The following PBX4 variants were observed in gnomAD, a reference collection of about 807,000 sequenced individuals.
The protein encoded by PBX4 is pre-B-cell leukemia transcription factor 4.
PBX4 carries 26 observed loss-of-function variants against 35.1 expected under a neutral mutation model. That is an observed-to-expected ratio of 0.74 (90% CI 0.54 to 1.03). The LOEUF (loss-of-function observed/expected upper bound fraction) is 1.03, where lower values mean the gene tolerates loss of function less well. PBX4 is among the 50% of genes least tolerant of loss of function. The pLI, the probability that PBX4 is intolerant of heterozygous loss-of-function variation, is 0.00. For missense variants in PBX4, 448 were observed against 504.3 expected (o/e 0.89, Z 1.07); for synonymous variants, 199 against 204.2 (o/e 0.97, Z 0.22).
intron 1 of PBX4, among the ~76,000 whole-genome samples, chr19:19,604,304 C>G (rs1054587465): frequency 1.3e-5 from 2 of 151,784 alleles, no homozygotes; most frequent in East Asian, 2.0e-4. Flanking sequence ...AATCCTGTCT[C>G]TCCTAAAAAT....
chr19:19,602,337 A>G (rs946010442), intron 1 of PBX4, among the ~76,000 whole-genome samples: 2 of 152,188 alleles, frequency 1.3e-5, no homozygotes, highest in Non-Finnish European at 2.9e-5. Flanking sequence ...GTTGGGAGAG[A>G]ATGTGGAGGT....
In PBX4 at chr19:19,599,992, AT is replaced by A. The variant is rs1454962011; in HGVS notation, c.120-628del. ...CATCTCAAAAAAAAAAAAAAAAAAAATTCGCCAGGAACAGTGTCATGCACCT... is the reference window on the plus strand; with the variant it reads ...CATCTCAAAAAAAAAAAAAAAAAAAATCGCCAGGAACAGTGTCATGCACCT... On this transcript the variant is annotated intron_variant, in intron 1 of 7. Transcript: ENST00000251203. Among the ~76,000 whole-genome samples the A allele has an allele frequency of 1.1e-4, 17 of 150,296 alleles. No homozygotes were observed. In the East Asian group the frequency reaches 3.1e-3, roughly 28 times the overall value.
intron 2 of PBX4, among the ~76,000 whole-genome samples, chr19:19,596,684 C>G (rs919236939): frequency 6.6e-6 from 1 of 151,994 alleles, no homozygotes; most frequent in Non-Finnish European, 1.5e-5. Flanking sequence ...GGCTCACACA[C>G]ATAATCCCAG....
chr19:19,574,749 CT>C (rs1342125325), intron 2 of PBX4, among the ~76,000 whole-genome samples: 1 of 152,036 alleles, frequency 6.6e-6, no homozygotes, highest in Non-Finnish European at 1.5e-5. Context: ...ATTCTCCTAC[CT>C]CAGCCTCCCG....
chr19:19,614,049 A>G (rs2061676289), intron 1 of PBX4, among the ~76,000 whole-genome samples: 1 of 152,168 alleles, frequency 6.6e-6, no homozygotes, highest in Non-Finnish European at 1.5e-5. Flanking sequence ...CAAAAAGAAT[A>G]AAAACACTGG....
chr19:19,595,973 A>G (rs1240443966), intron 2 of PBX4, among the ~76,000 whole-genome samples: 1 of 152,124 alleles, frequency 6.6e-6, no homozygotes, highest in East Asian at 1.9e-4. Context: ...TGGCTCATGC[A>G]TGTAATCCCA....
intron 1 of PBX4, chr19:19,608,492 T>TA (rs1568398948): frequency 6.6e-6 from 1 of 152,248 alleles, no homozygotes; most frequent in African/African-American, 2.4e-5. Flanking sequence ...GCAAAGTACT[T>TA]ACACTGTACA....
chr19:19,562,002 T>C lies in PBX4; in HGVS notation c.*23A>G. ...CGATACATGGCAGCTCACGCAGCGC[T>C]CTTTCCTGCTTATCCCCCAAACTTA... On this transcript the variant is annotated 3_prime_UTR_variant, in exon 8 of 8. Coordinates refer to ENST00000251203, the MANE Select transcript of PBX4 (RefSeq NM_025245.3). The surrounding 1 kb of genome is among the most constrained non-coding windows in gnomAD (Gnocchi z 4.8). 6.3e-7 allele frequency: 1 copy of C among 1,596,670 alleles called. No homozygotes were observed. Among genetic ancestry groups the C allele is most frequent in the Non-Finnish European group, 8.6e-7 (1 of 1,166,998 alleles).
At chr19:19,600,961 C>A (rs1422515680) in intron 1 of PBX4, among the ~76,000 whole-genome samples, 2 of 152,184 alleles carry the variant, frequency 1.3e-5, no homozygotes, top group African/African-American at 4.8e-5. Context: ...TCCAGTGTCA[C>A]TTGGCAGGTG....
chr19:19,575,236 CAAAAA>C (rs34956246), intron 2 of PBX4, among the ~76,000 whole-genome samples: 10 of 93,680 alleles, frequency 1.1e-4, no homozygotes, highest in Non-Finnish European at 2.1e-4. Flanking sequence ...GACTCTGTCT[CAAAAA>C]AAAAAAAAAA....
chr19:19,618,397 C>G, intron 1 of PBX4, 114 bp downstream of exon 1: 1 of 1,017,814 alleles, frequency 9.8e-7, no homozygotes, highest in Non-Finnish European at 1.3e-6. Flanking sequence ...CGGGACCCCC[C>G]TCCAGCCCTC....
intron 1 of PBX4, among the ~76,000 whole-genome samples, chr19:19,615,255 GA>G (rs1216448458): frequency 6.6e-6 from 1 of 151,216 alleles, no homozygotes; most frequent in African/African-American, 2.4e-5. Flanking sequence ...GCTGAGGTGT[GA>G]AGATTGCTTG....
chr19:19,583,434 G>A (rs1320322076), intron 2 of PBX4, among the ~76,000 whole-genome samples: 7 of 151,348 alleles, frequency 4.6e-5, no homozygotes, highest in Admixed American at 4.6e-4. Flanking sequence ...AACATAGCAA[G>A]ACCCCATCTC....
intron 2 of PBX4, chr19:19,588,141 TC>T: frequency 8.8e-7 from 1 of 1,139,166 alleles, no homozygotes. Context: ...GTCTTAGAGC[TC>T]CCCAAATAGA....
At chr19:19,581,594 G>C (rs1408965690) in intron 2 of PBX4, among the ~76,000 whole-genome samples, 1 of 152,224 alleles carries the variant, frequency 6.6e-6, no homozygotes, top group East Asian at 1.9e-4. Flanking sequence ...CAGAGCGCCT[G>C]CTCCAGCACT....
intron 1 of PBX4, among the ~76,000 whole-genome samples, chr19:19,614,598 T>G (rs1341748896): frequency 1.3e-5 from 2 of 151,160 alleles, no homozygotes; most frequent in African/African-American, 4.9e-5. Flanking sequence ...ATCGCGCCAC[T>G]GCACTCCAGC....
At position 19,563,675 on chromosome 19, in the gene PBX4, C is replaced by A; in HGVS notation, c.926-60G>T. ...TGGCGCCTCCTCAGGTGGAACCCAC[C>A]CAGCCCCTCAGCCGGCAGGAGGCCT... is the stretch of plus-strand genomic sequence containing the variant. On this transcript the variant is annotated intron_variant, in intron 6 of 7. Coordinates refer to ENST00000251203, the MANE Select transcript of PBX4 (RefSeq NM_025245.3). This position sits in a 1 kb window ranked among gnomAD's most constrained non-coding sequence, Gnocchi z 5.1. The A allele has an allele frequency of 1.4e-6, 2 of 1,411,726 alleles. No homozygotes were observed. The highest frequency in any genetic ancestry group is 2.5e-5 in the East Asian group (1 of 40,172). The allele number at this position is 1,411,726 out of a possible 1,614,324, so 87.4% of individuals were successfully genotyped here. A position where few individuals can be genotyped will look rare whatever the true frequency, so the allele number is the denominator to read the frequency against.
At chr19:19,565,187 C>T in intron 5 of PBX4, 98 bp from the exon 6 acceptor site, 2 of 1,443,194 alleles carry the variant, frequency 1.4e-6, no homozygotes. Context: ...CTCCCACTGC[C>T]TTAGAAGACA....
At chr19:19,588,301 G>T in intron 2 of PBX4, 1 of 1,107,374 alleles carries the variant, frequency 9.0e-7, no homozygotes, top group Non-Finnish European at 1.4e-6. Context: ...CAGAGTGCAG[G>T]GACGCACATA....
Sources: gnomAD v4.1 joint callset for allele counts (sites outside exome capture counted in the v4.1 genomes callset) on GRCh38, gnomAD v4.1.1 for gene constraint, Gnocchi (gnomAD v3.1) non-coding constraint, MANE v1.5 for transcripts, NCBI Gene and HGNC (gene_info 2026-07-23, HGNC 2026-07-21) for gene names.